Variants in RBFOX1 observed in about 807,000 individuals in gnomAD.
RBFOX1 encodes the protein RNA binding protein fox-1 homolog 1.
A neutral mutation model predicts 57.7 loss-of-function variants in RBFOX1; 8 were observed. The ratio of observed to expected loss-of-function variants is 0.14; its 90% CI spans 0.08 to 0.25. The LOEUF (loss-of-function observed/expected upper bound fraction) is 0.25, where lower values mean the gene tolerates loss of function less well. RBFOX1 is among the 10% of genes least tolerant of loss of function. The pLI is 1.00. For missense variants in RBFOX1, 611 were observed against 548.5 expected (o/e 1.11, Z -1.14); for synonymous variants, 326 against 222.4 (o/e 1.47, Z -4.15).
In RBFOX1 at chr16:5,796,219, G is replaced by A. The variant is rs551407861; in HGVS notation, c.319-71084G>A. Among the ~76,000 whole-genome samples the A allele has an allele frequency of 2.6e-5, 4 of 152,336 alleles. No individual in the cohort carries two copies. The South Asian group carries it at 8.3e-4, about 32-fold the overall frequency. On this transcript the variant is annotated intron_variant, in intron 3 of 19. Coordinates refer to the RBFOX1 transcript ENST00000641259. ...CCACCCACTTCTGAGGCTGGGTTCT[G>A]AAATGCACAGATCTGGATCTGGAAG...
rs187255337 is a variant in RBFOX1 at position 7,672,279 on chromosome 16, T to A, written c.931-4495T>A. On this transcript the variant is annotated intron_variant, in intron 13 of 15. Transcript: ENST00000550418. ...CCTAGAGTCTCCAAATTTGGTCTAT[T>A]ACCCACATTGAAACCGTCAAATAAG... Among the ~76,000 whole-genome samples, 258 of 152,326 alleles carry A rather than the reference T, an allele frequency of 1.7e-3. 2 individuals are homozygous for A. Among genetic ancestry groups the A allele is most frequent in the African/African-American group, 6.1e-3 (252 of 41,580 alleles).
intron 4 of RBFOX1, among the ~76,000 whole-genome samples, chr16:7,384,140 C>T (rs4325583): frequency 0.67 from 101,101 of 151,348 alleles, 34,195 homozygotes; most frequent in East Asian, 0.82. Context: ...CTTATATTTA[C>T]GGGAGAGATA....
Position 5,651,886 on chromosome 16 carries a change from C to G in RBFOX1, c.318+52925C>G, listed in dbSNP as rs1224489063. On this transcript the variant is annotated intron_variant, in intron 3 of 19. Coordinates refer to the RBFOX1 transcript ENST00000641259. ...CAGTGGCTCATGCCTGTAATCCCAG[C>G]ATTCGGAAGGCCAAGGCAGGAGGAT... Among the ~76,000 whole-genome samples the G allele has an allele frequency of 2.0e-5, 3 of 152,140 alleles. 1 individual carries two copies. The highest frequency in any genetic ancestry group is 4.2e-4 in the South Asian group (2 of 4,818).
intron 2 of RBFOX1, among the ~76,000 whole-genome samples, chr16:6,592,406 A>G (rs537383324): frequency 6.6e-6 from 1 of 152,326 alleles, no homozygotes; most frequent in South Asian, 2.1e-4. Flanking sequence ...ATTTTGTTTC[A>G]TAATACAGGA....
intron 3 of RBFOX1, among the ~76,000 whole-genome samples, chr16:6,831,483 T>C (rs898730646): frequency 7.2e-5 from 11 of 152,188 alleles, no homozygotes; most frequent in African/African-American, 2.4e-4. Flanking sequence ...CCATTATATA[T>C]CATTTACTTA....
chr16:5,730,444 C>G (rs935242932), intron 3 of RBFOX1, among the ~76,000 whole-genome samples: 1 of 152,190 alleles, frequency 6.6e-6, no homozygotes, highest in African/African-American at 2.4e-5. Context: ...GTGCCTCTGG[C>G]TGCGCACACA....
intron 3 of RBFOX1, among the ~76,000 whole-genome samples, chr16:5,609,964 C>T (rs1261729224): frequency 2.0e-5 from 3 of 152,154 alleles, no homozygotes; most frequent in Non-Finnish European, 4.4e-5. Context: ...TTCTCTGCAA[C>T]GTTTTCCTTG....
intron 2 of RBFOX1, among the ~76,000 whole-genome samples, chr16:6,453,782 C>G (rs1461904245): frequency 4.6e-5 from 7 of 152,184 alleles, no homozygotes; most frequent in African/African-American, 1.7e-4. Flanking sequence ...TGTAAAAATT[C>G]AGTGCCTCAC....
chr16:7,051,367 T>C (rs1375755731), intron 3 of RBFOX1, among the ~76,000 whole-genome samples: 1 of 152,208 alleles, frequency 6.6e-6, no homozygotes, highest in Admixed American at 6.5e-5. Context: ...ATATGGCCAC[T>C]CCAAAGAAGC....
intron 4 of RBFOX1, among the ~76,000 whole-genome samples, chr16:5,893,656 A>G (rs1450853818): frequency 1.3e-5 from 2 of 152,152 alleles, no homozygotes; most frequent in Admixed American, 6.5e-5. Context: ...AAAATAAAAA[A>G]TTAGCTGGGC....
intron 4 of RBFOX1, among the ~76,000 whole-genome samples, chr16:7,311,638 C>T (rs1007295079): frequency 6.6e-6 from 1 of 152,090 alleles, no homozygotes; most frequent in East Asian, 1.9e-4. Flanking sequence ...AAGCCCTGCT[C>T]TTATGGAAAG....
At chr16:6,139,055 A>G (rs1018007076) in intron 1 of RBFOX1, among the ~76,000 whole-genome samples, 5 of 152,196 alleles carry the variant, frequency 3.3e-5, no homozygotes, top group Admixed American at 2.0e-4. Context: ...TACTATATAC[A>G]GTTATTAGTG....
chr16:7,360,702 C>G (rs1041969102), intron 4 of RBFOX1, among the ~76,000 whole-genome samples: 1 of 152,202 alleles, frequency 6.6e-6, no homozygotes, highest in African/African-American at 2.4e-5. Context: ...TAAATCTTCT[C>G]TGGATAATGC....
intron 5 of RBFOX1, among the ~76,000 whole-genome samples, chr16:7,526,955 TTTCTA>T (rs1202297460): frequency 6.6e-6 from 1 of 152,186 alleles, no homozygotes; most frequent in Non-Finnish European, 1.5e-5. Flanking sequence ...ACTGGCCTCT[TTTCTA>T]AATAGGTTGC....
chr16:6,173,397 A>G lies in RBFOX1; in HGVS notation c.-126-143598A>G, dbSNP rs564143999. The stretch of plus-strand genomic sequence containing the variant: ...CATGGGTGAGACCTTGGTTAGTGTT[A>G]CGTGTTATTTGCAGTCATATGCATC... On this transcript the variant is annotated intron_variant, in intron 1 of 15. Transcript: ENST00000550418. Among the ~76,000 whole-genome samples the G allele has an allele frequency of 2.0e-5, 3 of 152,312 alleles. No homozygotes were observed. In the East Asian group the frequency reaches 5.8e-4, roughly 29 times the overall value.
intron 1 of RBFOX1, among the ~76,000 whole-genome samples, chr16:6,059,546 A>C (rs2095657624): frequency 6.6e-6 from 1 of 152,162 alleles, no homozygotes; most frequent in African/African-American, 2.4e-5. Flanking sequence ...TAGTGTTTTA[A>C]AGGGAACTAT....
intron 1 of RBFOX1, among the ~76,000 whole-genome samples, chr16:5,317,075 C>T (rs931580578): frequency 6.6e-6 from 1 of 152,126 alleles, no homozygotes; most frequent in African/African-American, 2.4e-5. Flanking sequence ...GCTCTCAGGC[C>T]TTTGGACTTG....
intron 4 of RBFOX1, among the ~76,000 whole-genome samples, chr16:7,484,653 A>G (rs1028820683): frequency 3.3e-5 from 5 of 152,084 alleles, no homozygotes; most frequent in Admixed American, 6.5e-5. Context: ...TAGTAGAGAC[A>G]AGGTTTCACC....
Position 5,556,488 on chromosome 16 carries a change from C to T in RBFOX1, c.259-42414C>T, listed in dbSNP as rs576672628. ...GGAAAGTATTTATCTTTTCCCCCCG[C>T]TTTTTCTAAAACTTAAAGAAATGCT... is the stretch of plus-strand genomic sequence containing the variant. On this transcript the variant is annotated intron_variant, in intron 2 of 2. Transcript: ENST00000585867. Among the ~76,000 whole-genome samples, 4 of 152,320 alleles carry T rather than the reference C, an allele frequency of 2.6e-5. No homozygotes were observed. In the East Asian group the frequency reaches 5.8e-4, roughly 22 times the overall value.
Sources: gnomAD v4.1 joint callset for allele counts (sites outside exome capture counted in the v4.1 genomes callset) on GRCh38, gnomAD v4.1.1 for gene constraint, MANE v1.5 for transcripts, NCBI Gene and HGNC (gene_info 2026-07-23, HGNC 2026-07-21) for gene names.